The following SIPA1L1 variants were observed in gnomAD, a reference collection of about 807,000 sequenced individuals.
SIPA1L1 encodes signal induced proliferation associated 1 like 1, also known as signal-induced proliferation-associated 1-like protein 1.
SIPA1L1 carries 26 observed loss-of-function variants against 162.7 expected under a neutral mutation model. The observed-to-expected ratio is 0.16, with a 90% CI of 0.12 to 0.22. The LOEUF (loss-of-function observed/expected upper bound fraction) is 0.22, where lower values mean the gene tolerates loss of function less well. Among genes scored for constraint, SIPA1L1 ranks in the 10% least tolerant of loss-of-function variants. The pLI is 1.00. For synonymous variants in SIPA1L1, 829 were observed against 837.4 expected (o/e 0.99, Z 0.17); for missense variants, 1,874 against 2,241.0 (o/e 0.84, Z 3.31).
chr14:71,672,371 G>A lies in SIPA1L1; in HGVS notation c.2853G>A (p.Ser951=), dbSNP rs144770676. The A allele has an allele frequency of 6.8e-6, 11 of 1,614,042 alleles. No individual in the cohort carries two copies. The Admixed American group carries it at 8.3e-5, about 12-fold the overall frequency. ...RLQFVSKGCE[S]VEMTLRRNGL... ...AGTTTGTTTCAAAAGGCTGTGAATC[G>A]GTGGAGATGACTCTGCGAAGAAATG... The change falls in exon 12 of 24, where the codon TCG becomes TCA. Residue 951 remains serine (S), a synonymous_variant. Transcript: ENST00000381232.
intron 3 of SIPA1L1, among the ~76,000 whole-genome samples, chr14:71,522,093 T>C (rs1275433506): frequency 6.6e-6 from 1 of 152,210 alleles, no homozygotes. Flanking sequence ...GAAGGAATTA[T>C]CTCTAGCTAT....
intron 2 of SIPA1L1, among the ~76,000 whole-genome samples, chr14:71,414,474 G>A (rs1323842528): frequency 6.6e-6 from 1 of 152,200 alleles, no homozygotes; most frequent in South Asian, 2.1e-4. Flanking sequence ...CTGCCCACTG[G>A]CTTTTCCCTT....
intron 5 of SIPA1L1, among the ~76,000 whole-genome samples, 172 bp downstream of exon 5, chr14:71,589,542 T>C (rs2035000184): frequency 2.0e-5 from 3 of 152,224 alleles, no homozygotes; most frequent in Admixed American, 6.5e-5. Flanking sequence ...TTTGCATTTT[T>C]TGAGTTACTT....
chr14:71,468,038 GTGTGTGTGTCTGTC>G (rs1251954058), intron 2 of SIPA1L1, among the ~76,000 whole-genome samples: 1 of 151,322 alleles, frequency 6.6e-6, no homozygotes, highest in Non-Finnish European at 1.5e-5. Context: ...GTGTGTGTGT[GTGTGTGTGTCTGTC>G]TGTGTCTGTC....
At chr14:71,693,007 C>G (rs533710010) in intron 13 of SIPA1L1, among the ~76,000 whole-genome samples, 28 of 152,286 alleles carry the variant, frequency 1.8e-4, no homozygotes, top group Admixed American at 5.2e-4. Flanking sequence ...ACAGCCCCAC[C>G]TCTTAGAGTC....
chr14:71,390,159 A>G (rs2040630036), intron 2 of SIPA1L1, among the ~76,000 whole-genome samples: 2 of 152,224 alleles, frequency 1.3e-5, no homozygotes, highest in South Asian at 4.1e-4. Context: ...GATAAAACCT[A>G]ACGACTTAAA....
At chr14:71,609,516 G>T (rs879724880) in intron 5 of SIPA1L1, among the ~76,000 whole-genome samples, 3 of 151,704 alleles carry the variant, frequency 2.0e-5, no homozygotes, top group African/African-American at 4.8e-5. Context: ...GCCCAGGCTG[G>T]AGTGCAGTGG....
intron 4 of SIPA1L1, among the ~76,000 whole-genome samples, chr14:71,563,885 C>T (rs1271725999): frequency 1.3e-5 from 2 of 152,180 alleles, no homozygotes; most frequent in Non-Finnish European, 1.5e-5. Context: ...GTGTGCTTTC[C>T]ACAGTCATAC....
At chr14:71,421,266 A>G (rs1277228931) in intron 2 of SIPA1L1, among the ~76,000 whole-genome samples, 1 of 152,186 alleles carries the variant, frequency 6.6e-6, no homozygotes, top group African/African-American at 2.4e-5. Context: ...GAATAATAGT[A>G]ACTAAAATGA....
intron 13 of SIPA1L1, 98 bp from the exon 14 acceptor site, chr14:71,698,883 A>T: frequency 7.7e-7 from 1 of 1,303,244 alleles, no homozygotes; most frequent in Non-Finnish European, 1.1e-6. Flanking sequence ...CCATGAAGTC[A>T]CTGTTTTTGT....
intron 2 of SIPA1L1, among the ~76,000 whole-genome samples, chr14:71,433,155 G>GT (rs1268364356): frequency 1.3e-5 from 2 of 152,210 alleles, no homozygotes; most frequent in African/African-American, 4.8e-5. Context: ...AGAACTCTGA[G>GT]TTTCTGGAGT....
intron 2 of SIPA1L1, among the ~76,000 whole-genome samples, chr14:71,402,864 A>G (rs185824084): frequency 6.6e-6 from 1 of 152,262 alleles, no homozygotes; most frequent in Admixed American, 6.5e-5. Context: ...AAGTTTCTAG[A>G]TGTCCTAGAT....
In SIPA1L1 at chr14:71,733,733, C is replaced by A. The variant is rs754280227; in HGVS notation, c.4929C>A (p.Asp1643Glu). Residue 1643 changes from aspartate (D) to glutamate (E), a missense_variant, in exon 21 of 24, where the codon GAC (aspartate) becomes GAA (glutamate). Physicochemically the swap from Asp to Glu is conservative, Grantham distance 45 (BLOSUM62 2). Transcript: ENST00000381232. ...AGACCCGCAGGCAGCCTATGCCCGA[C>A]CCTGGCCTGATGCCCCTGCCTGACA... ...IQETRRQPMP[D>E]PGLMPLPDTA... The A allele has an allele frequency of 8.1e-6, 13 of 1,613,790 alleles. No individual in the cohort carries two copies. In the East Asian group the frequency reaches 2.9e-4, roughly 36 times the overall value.
At position 71,605,000 on chromosome 14, in the gene SIPA1L1, C is replaced by T. The variant is rs890248262; in HGVS notation, c.1499-13757C>T. On this transcript the variant is annotated intron_variant, in intron 5 of 23. Coordinates refer to ENST00000381232, the MANE Select transcript of SIPA1L1 (RefSeq NM_001386936.1). Reference sequence around the variant, plus strand: ...TTCTAACCCTTTGATTTTCTTTTCACCTTCTGGGACTCTGAAAATTTGAAT... The same window carrying T: ...TTCTAACCCTTTGATTTTCTTTTCATCTTCTGGGACTCTGAAAATTTGAAT... Among the ~76,000 whole-genome samples the T allele has an allele frequency of 3.3e-5, 5 of 152,050 alleles. No homozygotes were observed. In the East Asian group the frequency reaches 9.6e-4, roughly 29 times the overall value.
In SIPA1L1 at chr14:71,377,028, G is replaced by A. The variant is rs975215274; in HGVS notation, c.-465+55847G>A. 2.3e-4 allele frequency among the ~76,000 whole-genome samples: 35 copies of A among 152,052 alleles called. No homozygotes were observed. Among genetic ancestry groups the A allele is most frequent in the African/African-American group, 7.0e-4 (29 of 41,360 alleles). Reference sequence around the variant, plus strand: ...AAAACCACCATCGTCATTATGGCCCGTTCTCAGTGAGCTGTTGGGTACACC... The same window carrying A: ...AAAACCACCATCGTCATTATGGCCCATTCTCAGTGAGCTGTTGGGTACACC... On this transcript the variant is annotated intron_variant, in intron 2 of 23. Coordinates refer to ENST00000381232, the MANE Select transcript of SIPA1L1 (RefSeq NM_001386936.1). The surrounding 1 kb of genome is among the most constrained non-coding windows in gnomAD (Gnocchi z 4.8).
intron 12 of SIPA1L1, among the ~76,000 whole-genome samples, chr14:71,675,148 T>C (rs1001238020): frequency 6.6e-6 from 1 of 152,160 alleles, no homozygotes; most frequent in Non-Finnish European, 1.5e-5. Context: ...GCAGGCAGCA[T>C]TGGGGTAGAT....
At chr14:71,395,804 A>G (rs889059882) in intron 2 of SIPA1L1, among the ~76,000 whole-genome samples, 6 of 152,202 alleles carry the variant, frequency 3.9e-5, no homozygotes, top group African/African-American at 1.4e-4. Context: ...TATATTTATT[A>G]AGTATGAAAA....
rs753297200 is a variant in SIPA1L1, at chr14:71,588,306, C to A, written c.434C>A (p.Pro145Gln). 3.1e-6 allele frequency: 5 copies of A among 1,613,798 alleles called. No homozygotes were observed. In the South Asian group the frequency reaches 4.4e-5, roughly 14 times the overall value. The change falls in exon 5 of 24, where the codon CCG becomes CAG. Residue 145 changes from proline (P) to glutamine (Q), a missense_variant. Pro to Gln is a moderately conservative substitution (Grantham distance 76). Around this residue, in one of 5 missense-constraint regions of SIPA1L1, gnomAD observed 685 missense variants for 828.0 expected, o/e 0.83. Transcript: ENST00000381232. This position sits in a 1 kb window ranked among gnomAD's most constrained non-coding sequence, Gnocchi z 4.3. Reference sequence around the variant, plus strand: ...AACACGCTGAAAAACAAGACAAGACCGTCGGAGAACATGGACTCCAGATTT... The same window carrying A: ...AACACGCTGAAAAACAAGACAAGACAGTCGGAGAACATGGACTCCAGATTT... ...IQNTLKNKTR[P>Q]SENMDSRFLM...
At chr14:71,402,404 A>G (rs1177704534) in intron 2 of SIPA1L1, among the ~76,000 whole-genome samples, 1 of 149,654 alleles carries the variant, frequency 6.7e-6, no homozygotes, top group Non-Finnish European at 1.5e-5. Flanking sequence ...GCTGGAGTGC[A>G]GTGGTGCAAC....
Sources: allele counts gnomAD v4.1 joint callset (sites outside exome capture counted in the v4.1 genomes callset), GRCh38; gene constraint gnomAD v4.1.1; regional missense constraint gnomAD v4.1.1; non-coding constraint Gnocchi (gnomAD v3.1); transcripts MANE v1.5; gene names NCBI Gene and HGNC (gene_info 2026-07-23, HGNC 2026-07-21).